EEF2: variants seen among roughly 807,000 people sequenced by gnomAD.
The protein encoded by EEF2 is eukaryotic translation elongation factor 2, also known as elongation factor 2.
In EEF2, 21 loss-of-function variants were observed where a neutral mutation model predicts 85.3. The observed-to-expected ratio is 0.25, with a 90% CI of 0.17 to 0.35. EEF2 has a LOEUF of 0.35. EEF2 is among the 10% of genes least tolerant of loss of function. The probability of loss-of-function intolerance (pLI) is 1.00; values close to 1 mark genes in which losing one functional copy is unlikely to be tolerated. For missense variants in EEF2, 825 were observed against 1,225.3 expected (o/e 0.67, Z 4.88); for synonymous variants, 723 against 508.8 (o/e 1.42, Z -5.67).
chr19:3,984,524 T>C (rs534422321), intron 1 of EEF2, among the ~76,000 whole-genome samples, 174 bp from the exon 2 acceptor site: 1 of 152,110 alleles, frequency 6.6e-6, no homozygotes, highest in African/African-American at 2.4e-5. Flanking sequence ...CACCCCGCAA[T>C]CTCCAAGGAA....
In EEF2 at chr19:3,978,121, C is replaced by G. The variant is rs35987350; in HGVS notation, c.1765G>C (p.Val589Leu). 2.0e-6 allele frequency: 3 copies of G among 1,501,258 alleles called. No individual in the cohort carries two copies. In the Admixed American group the frequency reaches 6.4e-5, roughly 32 times the overall value. The allele number at this position is 1,501,258 out of a possible 1,614,324, so 93.0% of individuals were successfully genotyped here. ...TTGGGGGACTTGGAGAGGCAGAGCACGTTCGACTCTTCACTGACCGTCTCG... is the reference window on the plus strand; with the variant it reads ...TTGGGGGACTTGGAGAGGCAGAGCAGGTTCGACTCTTCACTGACCGTCTCG... ...YRETVSEESNVLCLSKSPNKH... is the reference protein window; with the variant it reads ...YRETVSEESNLLCLSKSPNKH... The change falls in exon 12 of 15, where the codon GTG (valine) becomes CTG (leucine). Residue 589 changes from valine (V) to leucine (L), a missense_variant. Physicochemically the swap from Val to Leu is conservative, Grantham distance 32 (BLOSUM62 1). Coordinates refer to ENST00000309311, the MANE Select transcript of EEF2 (RefSeq NM_001961.4).
At position 3,976,727 on chromosome 19, in the gene EEF2, A is replaced by C. The variant is rs896024149; in HGVS notation, c.2404T>G (p.Ser802Ala). The C allele has an allele frequency of 1.3e-6, 2 of 1,594,120 alleles. No homozygotes were observed. Among genetic ancestry groups the C allele is most frequent in the African/African-American group, 2.7e-5 (2 of 74,646 alleles). ...GGGAACGCCTGGCCGCCCGTGTTGGACCTCAGGTCAGCGGTGAAGCCTGCA... is the reference window on the plus strand; with the variant it reads ...GGGAACGCCTGGCCGCCCGTGTTGGCCCTCAGGTCAGCGGTGAAGCCTGCA... ...ESFGFTADLR[S>A]NTGGQAFPQC... Residue 802 changes from serine to alanine, a missense_variant, in exon 15 of 15, where the codon TCC becomes GCC. Ser to Ala is a moderately conservative substitution (Grantham distance 99, BLOSUM62 1). Transcript: ENST00000309311.
At position 3,984,339 on chromosome 19, in the gene EEF2, C is replaced by G. The variant is rs192703161; in HGVS notation, c.15G>C (p.Thr5=). ...CCATGATGGCGCGGATCTGGTCTACCGTGAAGTTCACCTGGGCAAGACAAG... is the reference window on the plus strand; with the variant it reads ...CCATGATGGCGCGGATCTGGTCTACGGTGAAGTTCACCTGGGCAAGACAAG... MVNF[T]VDQIRAIMDK... is the part of the protein sequence containing the mutation. Residue 5 remains threonine (T), a synonymous_variant, in exon 2 of 15, where the codon ACG becomes ACC. Coordinates refer to ENST00000309311, the MANE Select transcript of EEF2 (RefSeq NM_001961.4). The G allele has an allele frequency of 1.2e-6, 2 of 1,614,064 alleles. No individual in the cohort carries two copies. The highest frequency in any genetic ancestry group is 4.5e-5 in the East Asian group (2 of 44,878).
chr19:3,981,248 G>A (rs2039742301), intron 7 of EEF2, 91 bp downstream of exon 7: 3 of 1,298,828 alleles, frequency 2.3e-6, no homozygotes, highest in Non-Finnish European at 3.3e-6. Context: ...CTGCCCAGCT[G>A]AGGACTTCAG....
intron 6 of EEF2, 79 bp from the exon 7 acceptor site, chr19:3,981,531 A>T: frequency 7.3e-7 from 1 of 1,367,866 alleles, no homozygotes; most frequent in South Asian, 1.2e-5. Flanking sequence ...TGCTTGGAAG[A>T]CTCAGGTCAG....
intron 2 of EEF2, 85 bp downstream of exon 2, chr19:3,984,049 GTC>G: frequency 6.9e-7 from 1 of 1,440,508 alleles, no homozygotes; most frequent in South Asian, 1.2e-5. Flanking sequence ...ACGTTGCCAA[GTC>G]TCTCCCCGCG....
Position 3,978,187 on chromosome 19 carries a change from TAA to T in EEF2, c.1714-17_1714-16del. ...GGGTCAGATTTCTGCAAAAAGAGGT[TAA>T]GTCCCACTCTTGCCTGGAGAAAGAG... is the stretch of plus-strand genomic sequence containing the variant. On this transcript the variant is annotated splice_polypyrimidine_tract_variant and intron_variant, in intron 11 of 14. Transcript: ENST00000309311. 1 of 1,440,450 alleles carries T rather than the reference TAA, an allele frequency of 6.9e-7. No individual in the cohort carries two copies. The highest frequency in any genetic ancestry group is 9.2e-7 in the Non-Finnish European group (1 of 1,091,456). 89.2% of individuals were successfully genotyped at this position (1,440,450 alleles called of 1,614,324 possible).
In EEF2 at chr19:3,979,942, C is replaced by T; in HGVS notation, c.1471G>A (p.Ala491Thr). 1 of 1,613,934 alleles carries T rather than the reference C, an allele frequency of 6.2e-7. No homozygotes were observed. Among genetic ancestry groups the T allele is most frequent in the South Asian group, 1.1e-5 (1 of 91,092 alleles). The change falls in exon 10 of 15, where the codon GCG becomes ACG. Residue 491 changes from alanine to threonine, a missense_variant. By Grantham distance (58) the Ala-to-Thr change is moderately conservative. Transcript: ENST00000309311. The stretch of plus-strand genomic sequence containing the variant: ...AACTTCATCACCCGCATGTTGTGCG[C>T]GTGCTCGAAGGTGGTGATGGTGCCC... ...KTGTITTFEHAHNMRVMKFSV... is the reference protein window; with the variant it reads ...KTGTITTFEHTHNMRVMKFSV...
At chr19:3,985,278 C>T (rs1033528852) in intron 1 of EEF2, 100 bp downstream of exon 1, 2 of 1,277,800 alleles carry the variant, frequency 1.6e-6, no homozygotes, top group South Asian at 2.1e-5. Flanking sequence ...CGCTACGTCT[C>T]CTCCTGGCAC....
At position 3,977,117 on chromosome 19, in the gene EEF2, T is replaced by C; in HGVS notation, c.2383+98A>G. ...CTGCTCCATCCATCACCTGCTCCCA[T>C]CAGGACGCCTCCTTTAACACCTTGC... On this transcript the variant is annotated intron_variant, in intron 14 of 14. Transcript: ENST00000309311. The surrounding 1 kb of genome is among the most constrained non-coding windows in gnomAD (Gnocchi z 5.4). 6.6e-7 allele frequency: 1 copy of C among 1,519,816 alleles called. No homozygotes were observed. The highest frequency in any genetic ancestry group is 8.9e-7 in the Non-Finnish European group (1 of 1,127,792). The allele number at this position is 1,519,816 out of a possible 1,614,324, so 94.1% of individuals were successfully genotyped here.
intron 1 of EEF2, 77 bp from the exon 2 acceptor site, chr19:3,984,427 G>C (rs528582414): frequency 8.3e-5 from 123 of 1,485,150 alleles, no homozygotes; most frequent in Non-Finnish European, 1.1e-4. Context: ...CAGTCCAAAC[G>C]AACCAGCATG....
At chr19:3,978,660 C>A (rs1484396338) in intron 11 of EEF2, among the ~76,000 whole-genome samples, 1 of 150,112 alleles carries the variant, frequency 6.7e-6, no homozygotes, top group African/African-American at 2.5e-5. Context: ...AAAAAATTAG[C>A]CGGGCATGAT....
Position 3,977,415 on chromosome 19 carries a change from G to A in EEF2, c.2250+13C>T, listed in dbSNP as rs202184545. The A allele has an allele frequency of 0.013, 20,002 of 1,584,600 alleles. 165 individuals are homozygous for A. Among genetic ancestry groups the A allele is most frequent in the Non-Finnish European group, 0.014 (16,585 of 1,164,778 alleles). ...GACGGTGGCAGGGTCAGCGGTGGGC[G>A]GGTAGACCTCACCTGGATCTCCACA... is the stretch of plus-strand genomic sequence containing the variant. On this transcript the variant is annotated intron_variant, in intron 13 of 14. Transcript: ENST00000309311. The surrounding 1 kb of genome is among the most constrained non-coding windows in gnomAD (Gnocchi z 5.4).
intron 1 of EEF2, 30 bp downstream of exon 1, chr19:3,985,348 C>G (rs201157289): frequency 8.9e-6 from 13 of 1,466,240 alleles, no homozygotes; most frequent in Non-Finnish European, 1.2e-5. Flanking sequence ...CGCCGCCGCT[C>G]CGGGGCACCA....
Position 3,977,617 on chromosome 19 carries a change from G to A in EEF2, c.2068-7C>T. On this transcript the variant is annotated splice_region_variant and splice_polypyrimidine_tract_variant and intron_variant, in intron 12 of 14. Coordinates refer to ENST00000309311, the MANE Select transcript of EEF2 (RefSeq NM_001961.4). The surrounding 1 kb of genome is among the most constrained non-coding windows in gnomAD (Gnocchi z 5.4). The stretch of plus-strand genomic sequence containing the variant: ...TCTCCTCACACAGTGCGCCCTGGGG[G>A]AGGGGGAGAGCCACCGTCAAGGGCC... 6 of 1,506,528 alleles carry A rather than the reference G, an allele frequency of 4.0e-6. No individual in the cohort carries two copies. The highest frequency in any genetic ancestry group is 5.3e-6 in the Non-Finnish European group (6 of 1,131,788). 93.3% of individuals were successfully genotyped at this position (1,506,528 alleles called of 1,614,324 possible). A position where few individuals can be genotyped will look rare whatever the true frequency, so the allele number is the denominator to read the frequency against.
In EEF2 at chr19:3,979,962, G is replaced by A. The variant is rs781379401; in HGVS notation, c.1451C>T (p.Thr484Ile). The A allele has an allele frequency of 2.5e-6, 4 of 1,613,966 alleles. No homozygotes were observed. Among genetic ancestry groups the A allele is most frequent in the East Asian group, 2.2e-5 (1 of 44,890 alleles). Residue 484 changes from threonine (T) to isoleucine (I), a missense_variant, in exon 10 of 15, where the codon ACC becomes ATC. Transcript: ENST00000309311. Reference sequence around the variant, plus strand: ...GTGCGCGTGCTCGAAGGTGGTGATGGTGCCCGTCTTCACCAGGAACTGGTC... The same window carrying A: ...GTGCGCGTGCTCGAAGGTGGTGATGATGCCCGTCTTCACCAGGAACTGGTC... Reference protein sequence around the residue: ...GVDQFLVKTGTITTFEHAHNM... With the variant: ...GVDQFLVKTGIITTFEHAHNM...
chr19:3,980,881 C>A lies in EEF2; in HGVS notation c.1110G>T (p.Glu370Asp), dbSNP rs373110188. ...CGTCCGGGGGCCCCTCGTACAGGAG[C>A]TCGCAGCGGTACTTCTGGGCCGTCA... is the stretch of plus-strand genomic sequence containing the variant. Reference protein sequence around the residue: ...SPVTAQKYRCELLYEGPPDDE... With the variant: ...SPVTAQKYRCDLLYEGPPDDE... The change falls in exon 8 of 15, where the codon GAG (glutamate) becomes GAT (aspartate). Residue 370 changes from glutamate to aspartate, a missense_variant. Glu to Asp is a conservative substitution (Grantham distance 45, BLOSUM62 2). Transcript: ENST00000309311. 35 of 1,562,998 alleles carry A rather than the reference C, an allele frequency of 2.2e-5. No individual in the cohort carries two copies. Among genetic ancestry groups the A allele is most frequent in the Middle Eastern group, 1.7e-4 (1 of 6,018 alleles).
Position 3,982,424 on chromosome 19 carries a change from T to C in EEF2, c.613A>G (p.Ile205Val), listed in dbSNP as rs1265400084. The C allele has an allele frequency of 6.2e-7, 1 of 1,613,996 alleles. No individual in the cohort carries two copies. The highest frequency in any genetic ancestry group is 2.2e-5 in the East Asian group (1 of 44,880). ...CCCACGGTACCGAGGACAGGATCGA[T>C]CTGGAAGTGTGAGAAACGAGAAGCA... The part of the protein sequence containing the change: ...GESGPMGNIM[I>V]DPVLGTVGFG... Residue 205 changes from isoleucine to valine, a missense_variant and splice_region_variant, in exon 5 of 15, where the codon ATC becomes GTC. Ile to Val is a conservative substitution (Grantham distance 29). Coordinates refer to ENST00000309311, the MANE Select transcript of EEF2 (RefSeq NM_001961.4).
In EEF2 at chr19:3,978,746, T is replaced by G. The variant is rs2039707083; in HGVS notation, c.1714-574A>C. Among the ~76,000 whole-genome samples the G allele has an allele frequency of 2.3e-5, 3 of 128,940 alleles. No individual in the cohort carries two copies. The South Asian group carries it at 7.4e-4, about 32-fold the overall frequency. 84.6% of individuals were successfully genotyped at this position (128,940 alleles called of 152,430 possible). On this transcript the variant is annotated intron_variant, in intron 11 of 14. Transcript: ENST00000309311. Reference sequence around the variant, plus strand: ...TGAACCTGGGAAGCAGAGCTTGCAGTGAGCCAAGATCACGCCATTGCACTC... The same window carrying G: ...TGAACCTGGGAAGCAGAGCTTGCAGGGAGCCAAGATCACGCCATTGCACTC...
Sources: gnomAD v4.1 joint callset for allele counts (sites outside exome capture counted in the v4.1 genomes callset) on GRCh38, gnomAD v4.1.1 for gene constraint, Gnocchi (gnomAD v3.1) non-coding constraint, MANE v1.5 for transcripts, NCBI Gene and HGNC (gene_info 2026-07-23, HGNC 2026-07-21) for gene names.